PLCB1: variants seen among roughly 807,000 people sequenced by gnomAD.
The protein encoded by PLCB1 is 1-phosphatidylinositol 4,5-bisphosphate phosphodiesterase beta-1.
Under a neutral mutation model 161.8 loss-of-function variants are expected in PLCB1, and 46 were observed. The ratio of observed to expected loss-of-function variants is 0.28; its 90% CI spans 0.22 to 0.36. PLCB1 has a LOEUF of 0.36. Ranked by LOEUF, PLCB1 falls within the 10% of genes least tolerant of loss-of-function variation. The probability of loss-of-function intolerance (pLI) is 1.00; values close to 1 mark genes in which losing one functional copy is unlikely to be tolerated. For synonymous variants in PLCB1, 517 were observed against 503.7 expected, an observed-to-expected ratio of 1.03 and a Z score of -0.35; for missense variants, 1,016 against 1,472.5, an observed-to-expected ratio of 0.69 and a Z score of 5.07.
chr20:8,432,612 G>A (rs1248698812), intron 3 of PLCB1, among the ~76,000 whole-genome samples: 1 of 152,204 alleles, frequency 6.6e-6, no homozygotes, highest in Admixed American at 6.5e-5. Context: ...ATGATTATGT[G>A]CTGTGGTCTG....
At chr20:8,447,965 C>T (rs1980911062) in intron 3 of PLCB1, among the ~76,000 whole-genome samples, 2 of 152,220 alleles carry the variant, frequency 1.3e-5, no homozygotes, top group Non-Finnish European at 2.9e-5. Flanking sequence ...TCTTTCAAAT[C>T]AGGCCCTTGG....
At chr20:8,629,812 C>CT (rs200512191) in intron 4 of PLCB1, among the ~76,000 whole-genome samples, 1,088 of 78,258 alleles carry the variant, frequency 0.014, 8 homozygotes, top group Middle Eastern at 0.027. Context: ...TCTTTCTTTT[C>CT]TTTCTTTTCT....
intron 3 of PLCB1, among the ~76,000 whole-genome samples, chr20:8,616,633 C>G (rs1365888782): frequency 6.6e-6 from 1 of 152,164 alleles, no homozygotes; most frequent in Non-Finnish European, 1.5e-5. Flanking sequence ...ATAGTAGGTG[C>G]TCAATAAATA....
At chr20:8,741,380 G>T in intron 22 of PLCB1, 84 bp from the exon 23 acceptor site, 1 of 870,458 alleles carries the variant, frequency 1.1e-6, no homozygotes, top group East Asian at 2.7e-5. Flanking sequence ...ATGGACTGAT[G>T]GTCAGATAGA....
chr20:8,829,221 G>T (rs944323051), intron 31 of PLCB1, among the ~76,000 whole-genome samples: 3 of 152,104 alleles, frequency 2.0e-5, no homozygotes, highest in Admixed American at 2.0e-4. Flanking sequence ...GCCACAAGCA[G>T]AACTGTCTTC....
intron 2 of PLCB1, among the ~76,000 whole-genome samples, chr20:8,166,171 A>G (rs1476207268): frequency 6.6e-6 from 1 of 152,100 alleles, no homozygotes; most frequent in African/African-American, 2.4e-5. Context: ...AAGCTTCTTC[A>G]AAGACCTGCC....
At chr20:8,437,932 AAT>A (rs1312023832) in intron 3 of PLCB1, among the ~76,000 whole-genome samples, 2 of 152,194 alleles carry the variant, frequency 1.3e-5, no homozygotes, top group Non-Finnish European at 2.9e-5. Context: ...TGATACTGAG[AAT>A]ATATGTCCAA....
chr20:8,836,526 G>A (rs1429660377), intron 31 of PLCB1, among the ~76,000 whole-genome samples: 1 of 84,884 alleles, frequency 1.2e-5, no homozygotes, highest in East Asian at 8.6e-4. Flanking sequence ...TGAGTTTCCT[G>A]AATTGGTTCT....
At chr20:8,769,570 C>T (rs1982563311) in intron 26 of PLCB1, among the ~76,000 whole-genome samples, 2 of 152,172 alleles carry the variant, frequency 1.3e-5, no homozygotes, top group Admixed American at 1.3e-4. Context: ...ACCTTCACAG[C>T]TCTAGGAAAT....
intron 3 of PLCB1, among the ~76,000 whole-genome samples, chr20:8,619,083 T>C (rs1453876746): frequency 6.6e-6 from 1 of 152,214 alleles, no homozygotes; most frequent in Non-Finnish European, 1.5e-5. Context: ...CAGTTACCTG[T>C]AGTGAACTGG....
At chr20:8,720,855 TTTTA>T (rs1283059594) in intron 14 of PLCB1, among the ~76,000 whole-genome samples, 19 of 150,840 alleles carry the variant, frequency 1.3e-4, no homozygotes, top group African/African-American at 4.7e-4. Context: ...GATTTTTTTT[TTTTA>T]AAAAAAAAAG....
At chr20:8,784,435 C>T (rs1379527739) in intron 27 of PLCB1, among the ~76,000 whole-genome samples, 2 of 151,940 alleles carry the variant, frequency 1.3e-5, no homozygotes, top group African/African-American at 2.4e-5. Context: ...TGGTGGCACA[C>T]GCCTGGAATC....
At chr20:8,363,821 G>C (rs1315221834) in intron 2 of PLCB1, among the ~76,000 whole-genome samples, 1 of 152,156 alleles carries the variant, frequency 6.6e-6, no homozygotes, top group Non-Finnish European at 1.5e-5. Context: ...GTAGTCAATA[G>C]TAGTCATAAC....
chr20:8,396,171 A>T (rs2122452337), intron 3 of PLCB1, among the ~76,000 whole-genome samples: 1 of 152,248 alleles, frequency 6.6e-6, no homozygotes, highest in East Asian at 1.9e-4. Context: ...AATAAATCAT[A>T]TATCTAAAAC....
At chr20:8,525,053 A>T (rs2122895402) in intron 3 of PLCB1, among the ~76,000 whole-genome samples, 1 of 152,290 alleles carries the variant, frequency 6.6e-6, no homozygotes, top group South Asian at 2.1e-4. Flanking sequence ...TATGTAAAAT[A>T]ATTTTTAAAA....
intron 3 of PLCB1, among the ~76,000 whole-genome samples, chr20:8,466,777 A>G (rs1981843071): frequency 6.6e-6 from 1 of 151,944 alleles, no homozygotes; most frequent in African/African-American, 2.4e-5. Context: ...ATTTTCCCCA[A>G]TTTCATGTCA....
At chr20:8,824,339 A>G (rs773079653) in intron 31 of PLCB1, among the ~76,000 whole-genome samples, 13 of 152,168 alleles carry the variant, frequency 8.5e-5, no homozygotes, top group Non-Finnish European at 1.9e-4. Flanking sequence ...CTGTTCTCAG[A>G]AAAATATTTT....
At position 8,236,767 on chromosome 20, in the gene PLCB1, A is replaced by G. The variant is rs79803730; in HGVS notation, c.177+86396A>G. 1.5e-3 allele frequency among the ~76,000 whole-genome samples: 229 copies of G among 152,214 alleles called. 2 individuals carry two copies. The highest frequency in any genetic ancestry group is 5.2e-3 in the African/African-American group (216 of 41,558). On this transcript the variant is annotated intron_variant, in intron 2 of 31. Transcript: ENST00000338037. ...TAGAAACTTTAAATCCTTATTCTGT[A>G]CTAGCCTTTATAAATTAAAGAATAA...
intron 23 of PLCB1, 139 bp from the exon 24 acceptor site, chr20:8,756,907 T>A: frequency 1.3e-6 from 1 of 798,504 alleles, no homozygotes; most frequent in Non-Finnish European, 2.0e-6. Flanking sequence ...TTAACCCTGC[T>A]TTCCAGGGAG....
Sources: allele counts gnomAD v4.1 joint callset (sites outside exome capture counted in the v4.1 genomes callset), GRCh38; gene constraint gnomAD v4.1.1; transcripts MANE v1.5; gene names NCBI Gene and HGNC (gene_info 2026-07-23, HGNC 2026-07-21).